The following TBC1D5 variants were observed in gnomAD, a reference collection of about 807,000 sequenced individuals.
The protein encoded by TBC1D5 is TBC1 domain family member 5, also known as TBC1 domain family, member 5.
In TBC1D5, 75 loss-of-function variants were observed where a neutral mutation model predicts 100.3. That is an observed-to-expected ratio of 0.75 (90% confidence interval 0.62 to 0.91). The LOEUF is 0.91. TBC1D5 is among the 40% of genes least tolerant of loss of function. TBC1D5 has a pLI of 0.00. For missense variants in TBC1D5, 910 were observed against 942.4 expected (o/e 0.97, Z 0.45); for synonymous variants, 323 against 325.6 (o/e 0.99, Z 0.09).
chr3:17,221,224 T>C (rs2074250426), intron 17 of TBC1D5, among the ~76,000 whole-genome samples: 2 of 152,148 alleles, frequency 1.3e-5, no homozygotes, highest in Admixed American at 1.3e-4. Flanking sequence ...GATGTTGAGA[T>C]GGAGAGAGTA....
intron 3 of TBC1D5, among the ~76,000 whole-genome samples, chr3:17,506,239 A>G (rs1033695194): frequency 1.3e-5 from 2 of 152,222 alleles, no homozygotes; most frequent in Non-Finnish European, 2.9e-5. Context: ...AAAATGCAAC[A>G]CATTTTCCTG....
At chr3:17,347,657 A>C (rs1474701099) in intron 13 of TBC1D5, among the ~76,000 whole-genome samples, 1 of 149,124 alleles carries the variant, frequency 6.7e-6, no homozygotes, top group Non-Finnish European at 1.5e-5. Context: ...CTATCACTTA[A>C]AAAAAAAAAT....
intron 2 of TBC1D5, among the ~76,000 whole-genome samples, chr3:17,569,091 ACT>A (rs1414282351): frequency 6.6e-6 from 1 of 151,782 alleles, no homozygotes. Flanking sequence ...GAACAAGGGC[ACT>A]CTCTGAATAA....
intron 3 of TBC1D5, among the ~76,000 whole-genome samples, chr3:17,485,331 C>CTTT (rs1043960940): frequency 3.8e-5 from 4 of 104,826 alleles, no homozygotes; most frequent in African/African-American, 1.6e-4. Flanking sequence ...AGCCAATATT[C>CTTT]TTTATTATTA....
At position 17,502,729 on chromosome 3, in the gene TBC1D5, T is replaced by C. The variant is rs1007854897; in HGVS notation, c.97+5745A>G. On this transcript the variant is annotated intron_variant, in intron 3 of 21. Transcript: ENST00000253692. Reference sequence around the variant, plus strand: ...CAATGTCATGTCCTCTGCAGCCCTCTATCCCGTCTGTACCATACAAAATTC... The same window carrying C: ...CAATGTCATGTCCTCTGCAGCCCTCCATCCCGTCTGTACCATACAAAATTC... Among the ~76,000 whole-genome samples, 6 of 149,388 alleles carry C rather than the reference T, an allele frequency of 4.0e-5. 1 individual carries two copies. The highest frequency in any genetic ancestry group is 1.5e-4 in the African/African-American group (6 of 39,248).
At chr3:17,439,861 C>A (rs943845242) in intron 3 of TBC1D5, among the ~76,000 whole-genome samples, 2 of 152,006 alleles carry the variant, frequency 1.3e-5, no homozygotes, top group Non-Finnish European at 2.9e-5. Context: ...TTAAAAATAT[C>A]ATTCAAAGTA....
chr3:17,306,417 TA>T (rs2083405481), intron 14 of TBC1D5, among the ~76,000 whole-genome samples: 1 of 152,226 alleles, frequency 6.6e-6, no homozygotes, highest in Non-Finnish European at 1.5e-5. Flanking sequence ...GTTACAGACT[TA>T]AATAACAAAA....
chr3:17,337,458 A>C (rs984523213), intron 13 of TBC1D5: 3 of 152,170 alleles, frequency 2.0e-5, no homozygotes, highest in Non-Finnish European at 4.4e-5. Flanking sequence ...TAGCTCCAAA[A>C]TCATTGTCAA....
chr3:17,737,816 A>AT (rs1257003572), intron 1 of TBC1D5, among the ~76,000 whole-genome samples: 2 of 121,682 alleles, frequency 1.6e-5, no homozygotes, highest in Non-Finnish European at 3.6e-5. Flanking sequence ...TTTTAAGACT[A>AT]TTTTGTTTCA....
intron 3 of TBC1D5, among the ~76,000 whole-genome samples, chr3:17,452,946 AT>A (rs2094961045): frequency 6.6e-6 from 1 of 152,058 alleles, no homozygotes; most frequent in African/African-American, 2.4e-5. Flanking sequence ...TTAAAAAAAA[AT>A]ACTATCAAGC....
chr3:17,705,386 G>C (rs1371086908), intron 1 of TBC1D5, among the ~76,000 whole-genome samples: 1 of 137,358 alleles, frequency 7.3e-6, no homozygotes, highest in East Asian at 2.7e-4. Flanking sequence ...TGGCTGCCGG[G>C]CGGAGATGCT....
chr3:17,662,615 CTT>C (rs949335337), intron 1 of TBC1D5, among the ~76,000 whole-genome samples: 77 of 152,214 alleles, frequency 5.1e-4, no homozygotes, highest in African/African-American at 1.9e-3. Context: ...TTGCTTTACT[CTT>C]TTAATTTGAA....
At chr3:17,547,618 C>T (rs1406013198) in intron 2 of TBC1D5, among the ~76,000 whole-genome samples, 2 of 152,082 alleles carry the variant, frequency 1.3e-5, no homozygotes, top group Non-Finnish European at 2.9e-5. Flanking sequence ...ATACATGGTG[C>T]CACTTAATAG....
chr3:17,709,303 C>T (rs898928274), intron 1 of TBC1D5, among the ~76,000 whole-genome samples: 1 of 152,152 alleles, frequency 6.6e-6, no homozygotes, highest in African/African-American at 2.4e-5. Context: ...ATGGAAATAA[C>T]TATTTCTAAA....
intron 1 of TBC1D5, among the ~76,000 whole-genome samples, chr3:17,627,269 C>G (rs1292484287): frequency 6.6e-6 from 1 of 152,084 alleles, no homozygotes; most frequent in African/African-American, 2.4e-5. Context: ...AGCGGACAGA[C>G]AGTGGCAAGA....
At chr3:17,383,550 C>T (rs2093033433) in intron 9 of TBC1D5, among the ~76,000 whole-genome samples, 2 of 151,932 alleles carry the variant, frequency 1.3e-5, no homozygotes, top group African/African-American at 4.8e-5. Context: ...TTATTTTTTA[C>T]ATGACATGTC....
intron 1 of TBC1D5, among the ~76,000 whole-genome samples, chr3:17,715,078 T>C (rs2075108024): frequency 6.6e-6 from 1 of 152,226 alleles, no homozygotes; most frequent in Non-Finnish European, 1.5e-5. Context: ...TTAAAATGAA[T>C]TTGTAAAGTA....
intron 1 of TBC1D5, among the ~76,000 whole-genome samples, chr3:17,714,420 CT>C (rs2075046875): frequency 6.6e-6 from 1 of 152,178 alleles, no homozygotes; most frequent in Admixed American, 6.5e-5. Flanking sequence ...TGTGAGAACT[CT>C]AAGCTTCCAC....
intron 12 of TBC1D5, among the ~76,000 whole-genome samples, chr3:17,373,629 T>C (rs2092572986): frequency 6.6e-6 from 1 of 152,180 alleles, no homozygotes; most frequent in Non-Finnish European, 1.5e-5. Context: ...GACTGATGTA[T>C]GGATAAACAA....
Sources: gnomAD v4.1 joint callset for allele counts (sites outside exome capture counted in the v4.1 genomes callset) on GRCh38, gnomAD v4.1.1 for gene constraint, MANE v1.5 for transcripts, NCBI Gene and HGNC (gene_info 2026-07-23, HGNC 2026-07-21) for gene names.